Variants in RFX3 observed in about 807,000 individuals in gnomAD.
RFX3 encodes transcription factor RFX3.
Under a neutral mutation model 98.6 loss-of-function variants are expected in RFX3, and 14 were observed. The ratio of observed to expected loss-of-function variants is 0.14; its 90% CI spans 0.09 to 0.22. RFX3 has a LOEUF of 0.22. Among genes scored for constraint, RFX3 ranks in the 10% least tolerant of loss-of-function variants. RFX3 has a pLI of 1.00. For missense variants in RFX3, 639 were observed against 926.9 expected (o/e 0.69, Z 4.03); for synonymous variants, 383 against 328.4 (o/e 1.17, Z -1.80).
At chr9:3,413,258 T>C (rs750828432) in intron 1 of RFX3, among the ~76,000 whole-genome samples, 13 of 152,092 alleles carry the variant, frequency 8.5e-5, no homozygotes, top group Non-Finnish European at 1.9e-4. Flanking sequence ...CTGTAATGTA[T>C]ACCAAGTAGA....
chr9:3,259,083 T>A (rs1297276909), intron 13 of RFX3, among the ~76,000 whole-genome samples: 1 of 152,028 alleles, frequency 6.6e-6, no homozygotes, highest in Non-Finnish European at 1.5e-5. Context: ...ATTATTTACA[T>A]AACCAATCCC....
At chr9:3,352,940 A>T (rs941072209) in intron 2 of RFX3, among the ~76,000 whole-genome samples, 1 of 152,034 alleles carries the variant, frequency 6.6e-6, no homozygotes, top group Non-Finnish European at 1.5e-5. Context: ...AAGACTTGGA[A>T]CCAACCCAAA....
intron 1 of RFX3, among the ~76,000 whole-genome samples, chr9:3,457,132 T>C (rs1847249992): frequency 1.2e-5 from 1 of 83,740 alleles, no homozygotes; most frequent in African/African-American, 4.8e-5. Flanking sequence ...AGGGCGAGAC[T>C]CCATCTCAAA....
In RFX3 at chr9:3,302,870, T is replaced by A. The variant is rs139577397; in HGVS notation, c.475-1250A>T. Among the ~76,000 whole-genome samples, 927 of 151,954 alleles carry A rather than the reference T, an allele frequency of 6.1e-3. 3 individuals are homozygous for A. The highest frequency in any genetic ancestry group is 9.9e-3 in the Non-Finnish European group (670 of 67,834). On this transcript the variant is annotated intron_variant, in intron 4 of 16. Transcript: ENST00000617270. ...ATTTTCTTCTAAACAACTTAGAAGT[T>A]AATAGCTTTAATTTTATTTTACATT...
intron 4 of RFX3, among the ~76,000 whole-genome samples, chr9:3,317,034 G>T (rs564294824): frequency 2.0e-5 from 3 of 152,122 alleles, no homozygotes; most frequent in Non-Finnish European, 4.4e-5. Context: ...AGTTCATATG[G>T]AACCAAAAAA....
intron 5 of RFX3, among the ~76,000 whole-genome samples, chr9:3,297,556 G>T (rs568942731): frequency 1.3e-5 from 2 of 151,992 alleles, no homozygotes; most frequent in South Asian, 4.1e-4. Flanking sequence ...TGTAACATTT[G>T]TCATTTTTTC....
At position 3,222,571 on chromosome 9, in the gene RFX3, A is replaced by G. The variant is rs574291424; in HGVS notation, c.*2471T>C. 6.7e-6 allele frequency: 1 copy of G among 150,354 alleles called. No homozygotes were observed. Among genetic ancestry groups the G allele is most frequent in the Admixed American group, 6.6e-5 (1 of 15,254 alleles). The allele number at this position is 150,354 out of a possible 1,614,324, so 9.3% of individuals were successfully genotyped here. On this transcript the variant is annotated 3_prime_UTR_variant, in exon 17 of 17. Transcript: ENST00000617270. ...TAAATACATTTGGTCCAATACAGAT[A>G]TAGTATCACTCAAAGGATGGCGGGT... is the stretch of plus-strand genomic sequence containing the variant.
chr9:3,464,590 C>T (rs1295625368), intron 1 of RFX3, among the ~76,000 whole-genome samples: 3 of 152,010 alleles, frequency 2.0e-5, no homozygotes, highest in Admixed American at 6.6e-5. Flanking sequence ...AGTAGATCTG[C>T]GGTTGCCAGG....
intron 1 of RFX3, among the ~76,000 whole-genome samples, chr9:3,412,922 A>G (rs1023911577): frequency 6.6e-6 from 1 of 152,182 alleles, no homozygotes; most frequent in Non-Finnish European, 1.5e-5. Context: ...ATAAAAATCA[A>G]TAACTATAGA....
chr9:3,504,830 T>C, intron 1 of RFX3, among the ~76,000 whole-genome samples: 1 of 88,408 alleles, frequency 1.1e-5, no homozygotes, highest in African/African-American at 5.4e-5. Flanking sequence ...ATATATAAAA[T>C]ATGTATAAAA....
In RFX3 at chr9:3,361,254, G is replaced by T. The variant is rs147967281; in HGVS notation, c.118-14490C>A. Among the ~76,000 whole-genome samples, 11 of 152,200 alleles carry T rather than the reference G, an allele frequency of 7.2e-5. No individual in the cohort carries two copies. In the East Asian group the frequency reaches 1.9e-3, roughly 27 times the overall value. ...AGGAAGACATCCAGAGTAGCAGCAG[G>T]GAGGTTAATTACAAAAGTAACCTTG... On this transcript the variant is annotated intron_variant, in intron 2 of 16. Transcript: ENST00000617270.
chr9:3,400,728 C>G (rs949058232), intron 1 of RFX3, among the ~76,000 whole-genome samples: 1 of 152,188 alleles, frequency 6.6e-6, no homozygotes, highest in Non-Finnish European at 1.5e-5. Flanking sequence ...AATTTGGCCT[C>G]TCATGTAATA....
At chr9:3,291,826 G>C (rs951218902) in intron 6 of RFX3, among the ~76,000 whole-genome samples, 1 of 151,622 alleles carries the variant, frequency 6.6e-6, no homozygotes, top group African/African-American at 2.4e-5. Context: ...ACTTTGGGAG[G>C]CCGAGGCAGG....
chr9:3,358,378 G>A lies in RFX3; in HGVS notation c.118-11614C>T, dbSNP rs989049555. On this transcript the variant is annotated intron_variant, in intron 2 of 16. Transcript: ENST00000617270. ...AATATGCACAATAAATGTTCATCAA[G>A]GGTCCCTTAAAATCATGAGATTCTA... Among the ~76,000 whole-genome samples the A allele has an allele frequency of 3.9e-5, 6 of 152,110 alleles. No individual in the cohort carries two copies. The South Asian group carries it at 1.2e-3, about 32-fold the overall frequency.
At chr9:3,388,814 T>C (rs1237571165) in intron 2 of RFX3, among the ~76,000 whole-genome samples, 1 of 152,094 alleles carries the variant, frequency 6.6e-6, no homozygotes, top group East Asian at 1.9e-4. Context: ...TTGAACTCAA[T>C]AGAAGTCCCT....
intron 1 of RFX3, among the ~76,000 whole-genome samples, chr9:3,504,879 T>TATAATATAACATATATTATATATAA (rs1816667365): frequency 1.9e-5 from 1 of 53,184 alleles, no homozygotes; most frequent in African/African-American, 9.1e-5. Flanking sequence ...ATTATATATA[T>TATAATATAACATATATTATATATAA]TATATATAAT....
intron 1 of RFX3, among the ~76,000 whole-genome samples, chr9:3,501,956 C>G (rs1462695005): frequency 6.6e-6 from 1 of 151,652 alleles, no homozygotes; most frequent in Non-Finnish European, 1.5e-5. Context: ...TAACTTCTAT[C>G]AAAAATCACT....
chr9:3,436,079 A>T (rs1845097016), intron 1 of RFX3, among the ~76,000 whole-genome samples: 1 of 152,032 alleles, frequency 6.6e-6, no homozygotes, highest in South Asian at 2.1e-4. Flanking sequence ...TAAAAAGTAC[A>T]TCTTTACACT....
Position 3,422,210 on chromosome 9 carries a change from C to A in RFX3, c.-8-26614G>T, listed in dbSNP as rs1351011814. ...GGCACAAATAGCAATGAACATTATC[C>A]CACTCACCCAAAATGAAAACTAGTC... On this transcript the variant is annotated intron_variant, in intron 1 of 16. Transcript: ENST00000617270. Among the ~76,000 whole-genome samples the A allele has an allele frequency of 2.5e-4, 38 of 152,086 alleles. 1 individual carries two copies. Among genetic ancestry groups the A allele is most frequent in the Non-Finnish European group, 7.4e-5 (5 of 68,024 alleles).
Sources: gnomAD v4.1 joint callset for allele counts (sites outside exome capture counted in the v4.1 genomes callset) on GRCh38, gnomAD v4.1.1 for gene constraint, MANE v1.5 for transcripts, NCBI Gene and HGNC (gene_info 2026-07-23, HGNC 2026-07-21) for gene names.